The following CTNNA2 variants were observed in gnomAD, a reference collection of about 807,000 sequenced individuals.
CTNNA2 encodes the protein catenin alpha-2.
A neutral mutation model predicts 101.0 loss-of-function variants in CTNNA2; 42 were observed. The ratio of observed to expected loss-of-function variants is 0.42; its 90% CI spans 0.32 to 0.54. CTNNA2 has a LOEUF of 0.54. Among genes scored for constraint, CTNNA2 ranks in the 20% least tolerant of loss-of-function variants. The pLI, the probability that CTNNA2 is intolerant of heterozygous loss-of-function variation, is 0.14. For missense variants in CTNNA2, 871 were observed against 1,223.1 expected, an observed-to-expected ratio of 0.71 and a Z score of 4.29; for synonymous variants, 450 against 456.4, an observed-to-expected ratio of 0.99 and a Z score of 0.18.
At chr2:79,742,645 T>G (rs1671369668) in intron 2 of CTNNA2, among the ~76,000 whole-genome samples, 1 of 152,206 alleles carries the variant, frequency 6.6e-6, no homozygotes, top group African/African-American at 2.4e-5. Flanking sequence ...CTGTCTTTCT[T>G]TTTTTAATGG....
chr2:79,942,862 A>G (rs1688249866), intron 7 of CTNNA2, among the ~76,000 whole-genome samples: 2 of 152,188 alleles, frequency 1.3e-5, no homozygotes, highest in Admixed American at 1.3e-4. Context: ...GGACTGGTCC[A>G]CTTGACACAT....
chr2:80,637,198 A>G (rs10490510), intron 18 of CTNNA2, among the ~76,000 whole-genome samples: 88,827 of 152,084 alleles, frequency 0.58, 26,177 homozygotes, highest in East Asian at 0.69. Flanking sequence ...ATGGGTCATA[A>G]TAATAATAAA....
chr2:80,559,878 T>TATCTATCTATATATATA (rs1693393440), intron 12 of CTNNA2, among the ~76,000 whole-genome samples: 1 of 113,936 alleles, frequency 8.8e-6, no homozygotes, highest in African/African-American at 3.0e-5. Flanking sequence ...GATATCATAT[T>TATCTATCTATATATATA]TATATATATA....
intron 7 of CTNNA2, among the ~76,000 whole-genome samples, chr2:80,293,321 A>G (rs1431426741): frequency 6.6e-6 from 1 of 152,242 alleles, no homozygotes; most frequent in East Asian, 1.9e-4. Flanking sequence ...GCTGCCTACA[A>G]TATCTCTAAG....
intron 9 of CTNNA2, among the ~76,000 whole-genome samples, chr2:80,469,893 T>C (rs1685151705): frequency 6.6e-6 from 1 of 152,188 alleles, no homozygotes. Flanking sequence ...AAATATTTTT[T>C]CATCATGTTC....
chr2:79,467,751 C>T (rs969229593), intron 4 of CTNNA2, among the ~76,000 whole-genome samples: 3 of 152,148 alleles, frequency 2.0e-5, no homozygotes, highest in African/African-American at 7.2e-5. Context: ...GAATTTTCAA[C>T]CCAGAATTTC....
chr2:79,544,390 T>A (rs540194432), intron 1 of CTNNA2, among the ~76,000 whole-genome samples: 4 of 152,132 alleles, frequency 2.6e-5, no homozygotes, highest in African/African-American at 9.7e-5. Flanking sequence ...CATGGCTTTC[T>A]TTTCTTTTCT....
At chr2:80,585,781 T>A (rs1383516127) in intron 14 of CTNNA2, among the ~76,000 whole-genome samples, 1 of 152,210 alleles carries the variant, frequency 6.6e-6, no homozygotes, top group Non-Finnish European at 1.5e-5. Flanking sequence ...CTACTGTTTA[T>A]AGATAACCTT....
intron 9 of CTNNA2, among the ~76,000 whole-genome samples, chr2:80,534,950 G>A (rs17019301): frequency 0.037 from 5,684 of 152,178 alleles, 281 homozygotes; most frequent in East Asian, 0.22. Context: ...CAAACAATGA[G>A]GCAACAACAT....
intron 1 of CTNNA2, among the ~76,000 whole-genome samples, chr2:79,631,323 TA>T (rs1679681365): frequency 6.6e-6 from 1 of 152,214 alleles, no homozygotes. Context: ...GTGCTCTCTG[TA>T]TACCCAACTG....
intron 7 of CTNNA2, among the ~76,000 whole-genome samples, chr2:80,183,636 C>T (rs1705931646): frequency 6.6e-6 from 1 of 152,176 alleles, no homozygotes. Flanking sequence ...CCATTGCTCA[C>T]TGCAGCCGGA....
Position 80,438,222 on chromosome 2 carries a change from G to A in CTNNA2, c.1290+18621G>A, listed in dbSNP as rs548950084. ...GCACATCCCTAGAGTCTCCTCCTGC[G>A]TCCAGTTTTTCTTTTATAAGGACAC... On this transcript the variant is annotated intron_variant, in intron 9 of 18. Transcript: ENST00000402739. Among the ~76,000 whole-genome samples, 12 of 152,152 alleles carry A rather than the reference G, an allele frequency of 7.9e-5. No homozygotes were observed. The South Asian group carries it at 1.2e-3, about 16-fold the overall frequency.
intron 7 of CTNNA2, among the ~76,000 whole-genome samples, chr2:80,178,383 G>A (rs1043826142): frequency 6.6e-6 from 1 of 152,138 alleles, no homozygotes; most frequent in Non-Finnish European, 1.5e-5. Flanking sequence ...CCAGTAACAG[G>A]CCAAGAGCTG....
At chr2:79,879,801 A>G (rs945120373) in intron 6 of CTNNA2, among the ~76,000 whole-genome samples, 29 of 152,138 alleles carry the variant, frequency 1.9e-4, no homozygotes, top group Admixed American at 2.6e-4. Flanking sequence ...CTATTTGAAT[A>G]TGCTTTATTT....
intron 18 of CTNNA2, among the ~76,000 whole-genome samples, chr2:80,647,037 CTGACA>C (rs1302662733): frequency 3.3e-5 from 5 of 151,932 alleles, no homozygotes; most frequent in South Asian, 4.1e-4. Flanking sequence ...CTATGAGATC[CTGACA>C]TAAGTATCAG....
At chr2:79,820,374 G>A (rs1034653260) in intron 3 of CTNNA2, among the ~76,000 whole-genome samples, 1 of 152,118 alleles carries the variant, frequency 6.6e-6, no homozygotes, top group Non-Finnish European at 1.5e-5. Flanking sequence ...CTCAAAGCAA[G>A]GTTTACTTTC....
At chr2:79,464,332 C>T (rs1573177988) in intron 4 of CTNNA2, among the ~76,000 whole-genome samples, 1 of 152,188 alleles carries the variant, frequency 6.6e-6, no homozygotes, top group Non-Finnish European at 1.5e-5. Context: ...TTTGTGGCTG[C>T]ATAGTATTCC....
Position 80,380,287 on chromosome 2 carries a change from T to C in CTNNA2, c.1057-12924T>C, listed in dbSNP as rs1035792030. Among the ~76,000 whole-genome samples, 15 of 152,172 alleles carry C rather than the reference T, an allele frequency of 9.9e-5. No individual in the cohort carries two copies. The East Asian group carries it at 1.4e-3, about 14-fold the overall frequency. The stretch of plus-strand genomic sequence containing the variant: ...TCCTGACTTTGTGATCCTCCCACCT[T>C]GGCCTCCCAAAGTGCTGGGATTACA... On this transcript the variant is annotated intron_variant, in intron 7 of 18. Coordinates refer to ENST00000402739, the MANE Select transcript of CTNNA2 (RefSeq NM_001282597.3).
At chr2:80,300,076 T>C (rs1445507875) in intron 7 of CTNNA2, among the ~76,000 whole-genome samples, 2 of 152,120 alleles carry the variant, frequency 1.3e-5, no homozygotes, top group African/African-American at 4.8e-5. Flanking sequence ...CTTGGAGTGG[T>C]ATGCTATTTA....
Sources: allele counts gnomAD v4.1 joint callset (sites outside exome capture counted in the v4.1 genomes callset), GRCh38; gene constraint gnomAD v4.1.1; transcripts MANE v1.5; gene names NCBI Gene and HGNC (gene_info 2026-07-23, HGNC 2026-07-21).